Variants in PPP2R2C observed in about 807,000 individuals in gnomAD.
PPP2R2C encodes protein phosphatase 2 regulatory subunit Bgamma.
PPP2R2C carries 10 observed loss-of-function variants against 45.3 expected under a neutral mutation model. That is an observed-to-expected ratio of 0.22 (90% CI 0.14 to 0.37). The LOEUF is 0.37. PPP2R2C is among the 10% of genes least tolerant of loss of function. The pLI is 1.00. For synonymous variants in PPP2R2C, 257 were observed against 245.4 expected (o/e 1.05, Z -0.44); for missense variants, 308 against 619.7 (o/e 0.50, Z 5.34).
chr4:6,558,075 T>C (rs1336940983), intron 1 of PPP2R2C, among the ~76,000 whole-genome samples: 1 of 152,156 alleles, frequency 6.6e-6, no homozygotes, highest in Non-Finnish European at 1.5e-5. Context: ...GGACAGCCCC[T>C]GGCGGTGAGA....
intron 1 of PPP2R2C, among the ~76,000 whole-genome samples, chr4:6,467,370 C>T (rs1721649379): frequency 6.6e-6 from 1 of 152,120 alleles, no homozygotes; most frequent in Non-Finnish European, 1.5e-5. Flanking sequence ...TCATCACTTA[C>T]TGATCTATTA....
chr4:6,402,745 G>A (rs1560518810), intron 1 of PPP2R2C, among the ~76,000 whole-genome samples: 1 of 152,230 alleles, frequency 6.6e-6, no homozygotes, highest in East Asian at 1.9e-4. Context: ...TGACTTCCTG[G>A]AGGAGGAGGC....
chr4:6,329,422 T>C lies in PPP2R2C; in HGVS notation c.961-69A>G. On this transcript the variant is annotated intron_variant, in intron 7 of 8. Transcript: ENST00000382599. This position sits in a 1 kb window ranked among gnomAD's most constrained non-coding sequence, Gnocchi z 5.8. ...CATCCTGGCCCTTCCACAAGAAGGG[T>C]CTCAAAGAGCAGCGAGGGTCTGCAT... 7.3e-7 allele frequency: 1 copy of C among 1,368,972 alleles called. No homozygotes were observed. The highest frequency in any genetic ancestry group is 1.0e-6 in the Non-Finnish European group (1 of 960,048). 84.8% of individuals were successfully genotyped at this position (1,368,972 alleles called of 1,614,324 possible).
intron 1 of PPP2R2C, among the ~76,000 whole-genome samples, chr4:6,412,499 G>C (rs1163219771): frequency 6.6e-6 from 1 of 152,178 alleles, no homozygotes; most frequent in Non-Finnish European, 1.5e-5. Flanking sequence ...CTGTGTGCTT[G>C]AATAAAAAAT....
intron 1 of PPP2R2C, among the ~76,000 whole-genome samples, chr4:6,435,796 C>A (rs1263831371): frequency 4.6e-5 from 7 of 152,166 alleles, no homozygotes; most frequent in Admixed American, 4.6e-4. Context: ...TAGTAGACTG[C>A]TTTTTGAAAA....
intron 1 of PPP2R2C, chr4:6,413,858 T>C (rs10213664): frequency 0.26 from 391,261 of 1,533,052 alleles, 52,475 homozygotes; most frequent in Admixed American, 0.46. Context: ...AGCTCCACGA[T>C]GGGGACCCTC....
At chr4:6,465,656 A>T (rs117396278) in intron 1 of PPP2R2C, among the ~76,000 whole-genome samples, 6,305 of 109,028 alleles carry the variant, frequency 0.058, 425 homozygotes, top group East Asian at 0.36. Context: ...TTCAAATTTA[A>T]AAAAAAAAAA....
intron 1 of PPP2R2C, among the ~76,000 whole-genome samples, chr4:6,397,446 A>T (rs1223905051): frequency 2.0e-5 from 3 of 148,144 alleles, no homozygotes; most frequent in Non-Finnish European, 3.0e-5. Flanking sequence ...GCCAAGGTGC[A>T]GGGTGAGGGA....
At chr4:6,363,536 G>A (rs942305663) in intron 5 of PPP2R2C, among the ~76,000 whole-genome samples, 12 of 151,580 alleles carry the variant, frequency 7.9e-5, no homozygotes, top group East Asian at 1.9e-4. Flanking sequence ...CCGAGATTGA[G>A]CCACTGCACT....
At chr4:6,528,516 C>A (rs568530594) in intron 2 of PPP2R2C, among the ~76,000 whole-genome samples, 11 of 117,584 alleles carry the variant, frequency 9.4e-5, no homozygotes, top group Non-Finnish European at 1.9e-4. Context: ...CCAGATCTGA[C>A]CCTGGCGTCT....
intron 6 of PPP2R2C, 62 bp downstream of exon 6, chr4:6,347,784 G>A (rs1262295762): frequency 1.5e-5 from 22 of 1,438,086 alleles, no homozygotes; most frequent in Non-Finnish European, 3.7e-6. Flanking sequence ...CACCAGGACA[G>A]GACATCCCAC....
intron 1 of PPP2R2C, chr4:6,384,517 T>TATATAAAACGCTGC: frequency 1.0e-6 from 1 of 975,722 alleles, no homozygotes; most frequent in Non-Finnish European, 1.2e-6. Flanking sequence ...GTACAATCAA[T>TATATAAAACGCTGC]ATATAAAACG....
intron 1 of PPP2R2C, among the ~76,000 whole-genome samples, chr4:6,546,327 G>A (rs76054643): frequency 1.1e-4 from 17 of 152,190 alleles, no homozygotes; most frequent in African/African-American, 1.9e-4. Flanking sequence ...TGGAGGGGCC[G>A]TTGACACACA....
intron 2 of PPP2R2C, among the ~76,000 whole-genome samples, chr4:6,483,915 T>C (rs1393140237): frequency 6.6e-6 from 1 of 152,098 alleles, no homozygotes; most frequent in Non-Finnish European, 1.5e-5. Flanking sequence ...AAACTACAGC[T>C]TGCAGACCAG....
intron 1 of PPP2R2C, among the ~76,000 whole-genome samples, chr4:6,560,141 G>T (rs1048273847): frequency 3.3e-5 from 5 of 152,224 alleles, no homozygotes; most frequent in African/African-American, 4.8e-5. Flanking sequence ...CAAGGCAGGG[G>T]CAGGGGTGCC....
At chr4:6,501,037 C>A (rs1723034395) in intron 2 of PPP2R2C, among the ~76,000 whole-genome samples, 1 of 152,240 alleles carries the variant, frequency 6.6e-6, no homozygotes, top group South Asian at 2.1e-4. Flanking sequence ...ACAGATCCCG[C>A]AACTCTGGGG....
chr4:6,538,118 T>C (rs1724690378), intron 1 of PPP2R2C, among the ~76,000 whole-genome samples: 1 of 152,178 alleles, frequency 6.6e-6, no homozygotes, highest in Admixed American at 6.5e-5. Context: ...TTTTATGTTA[T>C]GTATATTTTA....
At chr4:6,484,453 T>C (rs1722467790) in intron 2 of PPP2R2C, among the ~76,000 whole-genome samples, 1 of 151,902 alleles carries the variant, frequency 6.6e-6, no homozygotes, top group Admixed American at 6.5e-5. Context: ...CAAAGTTGTT[T>C]TGGCTATCCT....
chr4:6,371,363 CTCTT>C (rs1438110182), intron 5 of PPP2R2C, among the ~76,000 whole-genome samples: 1 of 152,228 alleles, frequency 6.6e-6, no homozygotes, highest in African/African-American at 2.4e-5. Context: ...ATTTGTTACT[CTCTT>C]TCACCCTTCC....
Sources: gnomAD v4.1 joint callset for allele counts (sites outside exome capture counted in the v4.1 genomes callset) on GRCh38, gnomAD v4.1.1 for gene constraint, Gnocchi (gnomAD v3.1) non-coding constraint, MANE v1.5 for transcripts, NCBI Gene and HGNC (gene_info 2026-07-23, HGNC 2026-07-21) for gene names.